Variants in WWOX observed in about 807,000 individuals in gnomAD.
WWOX encodes WW domain-containing oxidoreductase.
WWOX carries 69 observed loss-of-function variants against 46.2 expected under a neutral mutation model. The observed-to-expected ratio is 1.49, with a 90% CI of 1.23 to 1.82. The LOEUF (loss-of-function observed/expected upper bound fraction) is 1.82. Among genes scored for constraint, WWOX ranks in the 40% most tolerant of loss-of-function variants. The pLI is 0.00. For missense variants in WWOX, 919 were observed against 542.6 expected, an observed-to-expected ratio of 1.69 and a Z score of -6.89; for synonymous variants, 359 against 202.6, an observed-to-expected ratio of 1.77 and a Z score of -6.56.
In WWOX at chr16:79,211,982, G is replaced by C; in HGVS notation, c.*186G>C. On this transcript the variant is annotated 3_prime_UTR_variant, in exon 9 of 9. Coordinates refer to ENST00000566780, the MANE Select transcript of WWOX (RefSeq NM_016373.4). ...GGAAGCAGGGAATTCCTGGGGTAAA[G>C]TATCACTTTTCTGGGGCTGGGCTAG... The C allele has an allele frequency of 6.5e-7, 1 of 1,536,174 alleles. No homozygotes were observed. Among genetic ancestry groups the C allele is most frequent in the Non-Finnish European group, 8.7e-7 (1 of 1,146,876 alleles).
chr16:78,921,803 A>T (rs1431357204), intron 8 of WWOX, among the ~76,000 whole-genome samples: 2 of 152,182 alleles, frequency 1.3e-5, no homozygotes, highest in Non-Finnish European at 2.9e-5. Flanking sequence ...TTACTCTGAC[A>T]CCCACTGCAA....
intron 8 of WWOX, among the ~76,000 whole-genome samples, chr16:78,964,051 C>G (rs1307735482): frequency 6.6e-6 from 1 of 152,194 alleles, no homozygotes; most frequent in South Asian, 2.1e-4. Context: ...GAACTGTAAG[C>G]CTGATTAAAC....
intron 5 of WWOX, among the ~76,000 whole-genome samples, chr16:78,371,091 A>G (rs2151921461): frequency 6.8e-6 from 1 of 147,662 alleles, no homozygotes; most frequent in East Asian, 2.0e-4. Flanking sequence ...ACTAATCGTT[A>G]TTAGAGTGTG....
intron 8 of WWOX, among the ~76,000 whole-genome samples, chr16:79,164,081 A>C (rs1426064180): frequency 6.6e-6 from 1 of 152,224 alleles, no homozygotes; most frequent in Non-Finnish European, 1.5e-5. Context: ...TCAGTTTGCC[A>C]TATAAAAGCT....
intron 6 of WWOX, among the ~76,000 whole-genome samples, chr16:78,395,139 G>C (rs1042088723): frequency 1.3e-5 from 2 of 152,186 alleles, no homozygotes; most frequent in Non-Finnish European, 2.9e-5. Context: ...TAGAGTTTAA[G>C]ACAGCAATAA....
rs978544916 is a variant in WWOX, at chr16:78,390,772, T to G, written c.605+3824T>G. On this transcript the variant is annotated intron_variant, in intron 6 of 8. Transcript: ENST00000566780. Reference sequence around the variant, plus strand: ...CTTATCACCCCCCATCTTCAGACATTAAAATTTTCTTGTGTGTAAAACATA... The same window carrying G: ...CTTATCACCCCCCATCTTCAGACATGAAAATTTTCTTGTGTGTAAAACATA... 5.9e-5 allele frequency among the ~76,000 whole-genome samples: 9 copies of G among 152,286 alleles called. No individual in the cohort carries two copies. In the East Asian group the frequency reaches 1.7e-3, roughly 29 times the overall value.
intron 8 of WWOX, among the ~76,000 whole-genome samples, chr16:78,814,886 C>T (rs1220405302): frequency 1.3e-5 from 2 of 152,212 alleles, no homozygotes; most frequent in African/African-American, 4.8e-5. Flanking sequence ...GCACCAGCTA[C>T]CTTTGTGCTC....
At chr16:78,533,910 A>C (rs1306601732) in intron 8 of WWOX, among the ~76,000 whole-genome samples, 1 of 152,168 alleles carries the variant, frequency 6.6e-6, no homozygotes, top group Non-Finnish European at 1.5e-5. Flanking sequence ...TCTTGTTAAC[A>C]GTTGGCTCCC....
chr16:79,142,871 A>C (rs1009974786), intron 8 of WWOX, among the ~76,000 whole-genome samples: 1 of 151,870 alleles, frequency 6.6e-6, no homozygotes, highest in Non-Finnish European at 1.5e-5. Context: ...GCTAATTTTT[A>C]TATATATTTT....
chr16:78,205,806 T>C (rs146849387), intron 5 of WWOX, among the ~76,000 whole-genome samples: 1 of 152,050 alleles, frequency 6.6e-6, no homozygotes, highest in East Asian at 1.9e-4. Context: ...CATCCATCCT[T>C]CTACCCACAC....
chr16:78,664,913 A>G (rs2047296211), intron 8 of WWOX, among the ~76,000 whole-genome samples: 1 of 152,238 alleles, frequency 6.6e-6, no homozygotes, highest in Non-Finnish European at 1.5e-5. Context: ...TGTGACTGGA[A>G]TTGGCTCTGT....
intron 8 of WWOX, among the ~76,000 whole-genome samples, chr16:78,967,253 A>G (rs2046378714): frequency 6.7e-6 from 1 of 149,450 alleles, no homozygotes; most frequent in Non-Finnish European, 1.5e-5. Flanking sequence ...AGCCCCAAAC[A>G]ACTGGGAGGC....
intron 8 of WWOX, among the ~76,000 whole-genome samples, chr16:78,966,493 C>G (rs988693709): frequency 2.0e-5 from 3 of 151,966 alleles, no homozygotes; most frequent in African/African-American, 7.3e-5. Flanking sequence ...ATAAATTCCA[C>G]TTAGTGGCTA....
chr16:78,311,688 C>G (rs1019992764), intron 5 of WWOX, among the ~76,000 whole-genome samples: 4 of 152,090 alleles, frequency 2.6e-5, no homozygotes, highest in Non-Finnish European at 4.4e-5. Flanking sequence ...GAAGAAAAGC[C>G]AAAGGCAGAC....
At chr16:78,430,425 C>T (rs1338435375) in intron 7 of WWOX, among the ~76,000 whole-genome samples, 1 of 152,140 alleles carries the variant, frequency 6.6e-6, no homozygotes, top group Non-Finnish European at 1.5e-5. Context: ...GCACTACCCA[C>T]CTGGAAATTC....
In WWOX at chr16:79,119,468, C is replaced by T. The variant is rs575859889; in HGVS notation, c.1057-92140C>T. On this transcript the variant is annotated intron_variant, in intron 8 of 8. Transcript: ENST00000566780. ...CAAAATCGGAGTGCCATCCGCGCTC[C>T]ATGAGTCTGACACTTTGTAGGTGCT... 3.3e-5 allele frequency among the ~76,000 whole-genome samples: 5 copies of T among 152,312 alleles called. No homozygotes were observed. In the East Asian group the frequency reaches 9.7e-4, roughly 29 times the overall value.
At chr16:78,606,633 A>T (rs576776293) in intron 8 of WWOX, among the ~76,000 whole-genome samples, 3 of 152,034 alleles carry the variant, frequency 2.0e-5, no homozygotes, top group Non-Finnish European at 4.4e-5. Flanking sequence ...AATCAGTGAC[A>T]CGAAGTTGAA....
intron 8 of WWOX, among the ~76,000 whole-genome samples, chr16:78,597,762 A>C (rs7194725): frequency 9.9e-5 from 2 of 20,264 alleles, no homozygotes; most frequent in Non-Finnish European, 6.0e-4. Flanking sequence ...TTATATGTGT[A>C]TATATATATA....
At chr16:79,005,416 G>T (rs973673198) in intron 8 of WWOX, among the ~76,000 whole-genome samples, 1 of 152,192 alleles carries the variant, frequency 6.6e-6, no homozygotes, top group Non-Finnish European at 1.5e-5. Context: ...GGCGTGCCAC[G>T]TACTAGGTGG....
Sources: gnomAD v4.1 joint callset for allele counts (sites outside exome capture counted in the v4.1 genomes callset) on GRCh38, gnomAD v4.1.1 for gene constraint, MANE v1.5 for transcripts, NCBI Gene and HGNC (gene_info 2026-07-23, HGNC 2026-07-21) for gene names.